HPSE: variants seen among roughly 807,000 people sequenced by gnomAD.
HPSE encodes the protein heparanase, also known as endo-glucoronidase.
In HPSE, 48 loss-of-function variants were observed where a neutral mutation model predicts 65.1. That is an observed-to-expected ratio of 0.74 (90% CI 0.58 to 0.94). HPSE has a LOEUF of 0.94. Among genes scored for constraint, HPSE ranks in the 40% least tolerant of loss-of-function variants. The probability of loss-of-function intolerance (pLI) is 0.00; values close to 1 mark genes in which losing one functional copy is unlikely to be tolerated. For missense variants in HPSE, 644 were observed against 637.5 expected, an observed-to-expected ratio of 1.01 and a Z score of -0.11; for synonymous variants, 243 against 260.0, an observed-to-expected ratio of 0.93 and a Z score of 0.63.
At chr4:83,309,971 C>T (rs1736302782) in intron 6 of HPSE, 60 bp downstream of exon 6, 1 of 1,225,632 alleles carries the variant, frequency 8.2e-7, no homozygotes, top group Non-Finnish European at 1.2e-6. Flanking sequence ...TTTTTGAATA[C>T]TAGGTAATAA....
At chr4:83,333,456 G>T (rs1478743786) in intron 1 of HPSE, among the ~76,000 whole-genome samples, 2 of 152,162 alleles carry the variant, frequency 1.3e-5, no homozygotes, top group Non-Finnish European at 2.9e-5. Flanking sequence ...TATAGTGTGG[G>T]CTCAGGGAGG....
At chr4:83,309,906 G>A in intron 6 of HPSE, 125 bp downstream of exon 6, 1 of 652,940 alleles carries the variant, frequency 1.5e-6, no homozygotes, top group Non-Finnish European at 2.7e-6. Flanking sequence ...TGCTACTTGA[G>A]ACACTATTTG....
intron 1 of HPSE, 149 bp downstream of exon 1, chr4:83,334,407 A>G: frequency 1.2e-6 from 1 of 864,804 alleles, no homozygotes; most frequent in Non-Finnish European, 1.8e-6. Flanking sequence ...GAGAGGGAGA[A>G]TGAGAGGCGG....
chr4:83,325,133 GTGT>G lies in HPSE; in HGVS notation c.228-2772_228-2770del, dbSNP rs1737095475. Among the ~76,000 whole-genome samples the G allele has an allele frequency of 3.4e-4, 6 of 17,870 alleles. No homozygotes were observed. In the South Asian group the frequency reaches 0.013, roughly 38 times the overall value. 11.7% of individuals were successfully genotyped at this position (17,870 alleles called of 152,430 possible). ...TATATTTTAAATTATACAACTTGGTGTGTGTGTGTGTGTGTGTGTGTGTGTGTG... is the reference window on the plus strand; with the variant it reads ...TATATTTTAAATTATACAACTTGGTGGTGTGTGTGTGTGTGTGTGTGTGTG... On this transcript the variant is annotated intron_variant, in intron 1 of 11. Transcript: ENST00000311412.
chr4:83,330,237 A>G (rs1292071316), intron 1 of HPSE, among the ~76,000 whole-genome samples: 2 of 152,230 alleles, frequency 1.3e-5, no homozygotes, highest in Non-Finnish European at 2.9e-5. Flanking sequence ...CATTACTCAA[A>G]AGGGCTACAG....
At chr4:83,322,612 C>T (rs1736955422) in intron 1 of HPSE, among the ~76,000 whole-genome samples, 1 of 151,888 alleles carries the variant, frequency 6.6e-6, no homozygotes. Context: ...GCTTCTGCCT[C>T]CTGGGTAGCT....
chr4:83,306,388 C>A, intron 8 of HPSE, 71 bp from the exon 9 acceptor site: 1 of 745,086 alleles, frequency 1.3e-6, no homozygotes, highest in Non-Finnish European at 2.4e-6. Flanking sequence ...TGCACACCAT[C>A]TTGATTTTAT....
intron 3 of HPSE, among the ~76,000 whole-genome samples, chr4:83,316,690 T>C (rs765086509): frequency 2.6e-5 from 4 of 152,220 alleles, no homozygotes; most frequent in Non-Finnish European, 5.9e-5. Flanking sequence ...AGTCATCCTT[T>C]CTGCAGTCAC....
At chr4:83,297,830 A>G (rs1482999071) in intron 11 of HPSE, among the ~76,000 whole-genome samples, 2 of 152,198 alleles carry the variant, frequency 1.3e-5, no homozygotes, top group African/African-American at 2.4e-5. Context: ...GGAAACCACA[A>G]ACAAAAATAG....
intron 3 of HPSE, among the ~76,000 whole-genome samples, chr4:83,317,846 T>C (rs1446088234): frequency 6.6e-6 from 1 of 152,232 alleles, no homozygotes; most frequent in Admixed American, 6.5e-5. Context: ...TCTGTGGTTC[T>C]CTGGTATGTG....
At chr4:83,312,441 G>C (rs1295214153) in intron 4 of HPSE, among the ~76,000 whole-genome samples, 1 of 152,168 alleles carries the variant, frequency 6.6e-6, no homozygotes, top group African/African-American at 2.4e-5. Context: ...ACTTTGGGAC[G>C]CCGAGGCGGG....
intron 7 of HPSE, 51 bp downstream of exon 7, chr4:83,309,350 CT>C (rs1156728006): frequency 1.1e-6 from 1 of 945,982 alleles, no homozygotes; most frequent in Non-Finnish European, 1.7e-6. Context: ...ACTAGCTAGA[CT>C]ATAAAATAAG....
rs375652871 is a variant in HPSE, at chr4:83,292,626, A to G, written c.*2718T>C. The G allele has an allele frequency of 6.6e-6, 1 of 152,228 alleles. No homozygotes were observed. Among genetic ancestry groups the G allele is most frequent in the African/African-American group, 2.4e-5 (1 of 41,466 alleles). The allele number at this position is 152,228 out of a possible 1,614,324, so 9.4% of individuals were successfully genotyped here. On this transcript the variant is annotated 3_prime_UTR_variant, in exon 12 of 12. Transcript: ENST00000311412. ...ATGGAATTAACCTAAGTGTCCATCA[A>G]CTGATAAGTGGATAAAGAAAATGTG...
At chr4:83,324,931 G>T (rs1269606479) in intron 1 of HPSE, among the ~76,000 whole-genome samples, 1 of 152,008 alleles carries the variant, frequency 6.6e-6, no homozygotes, top group Non-Finnish European at 1.5e-5. Flanking sequence ...TGCGCATTTT[G>T]CCACAATAAA....
intron 4 of HPSE, among the ~76,000 whole-genome samples, chr4:83,311,606 C>A (rs999572829): frequency 1.3e-5 from 2 of 151,906 alleles, no homozygotes; most frequent in Admixed American, 6.6e-5. Flanking sequence ...GAGATCGAGA[C>A]AAGCCTGGGC....
At chr4:83,320,303 G>T (rs962319736) in intron 2 of HPSE, among the ~76,000 whole-genome samples, 1 of 152,128 alleles carries the variant, frequency 6.6e-6, no homozygotes, top group African/African-American at 2.4e-5. Context: ...AGTGGCTCAC[G>T]CTTGTAATTC....
chr4:83,322,335 C>T lies in HPSE; in HGVS notation c.257G>A (p.Gly86Asp), dbSNP rs1184183162. 3.1e-6 allele frequency: 5 copies of T among 1,613,562 alleles called. No homozygotes were observed. Among genetic ancestry groups the T allele is most frequent in the Middle Eastern group, 1.7e-4 (1 of 6,060 alleles). The change falls in exon 2 of 12, where the codon GGC (glycine) becomes GAC (aspartate). Residue 86 changes from glycine (G) to aspartate (D), a missense_variant. Transcript: ENST00000311412. ...AAACCTCAGGTACGCAGGAGACAAG[C>T]CTCTGGCCAAGGTACGAAGCTTTGG... ...GSPKLRTLAR[G>D]LSPAYLRFGG...
At chr4:83,306,127 A>C (rs767389165) in intron 9 of HPSE, 76 bp downstream of exon 9, 36 of 820,932 alleles carry the variant, frequency 4.4e-5, no homozygotes, top group Non-Finnish European at 7.2e-5. Flanking sequence ...CTGACTGTTC[A>C]TAGGAGGTTA....
Position 83,324,113 on chromosome 4 carries a change from CTTTTT to C in HPSE, c.228-1754_228-1750del, listed in dbSNP as rs398051210. Among the ~76,000 whole-genome samples the C allele has an allele frequency of 9.6e-4, 72 of 74,748 alleles. No homozygotes were observed. In the Middle Eastern group the frequency reaches 0.041, roughly 42 times the overall value. 49.0% of individuals were successfully genotyped at this position (74,748 alleles called of 152,430 possible). A position where few individuals can be genotyped will look rare whatever the true frequency, so the allele number is the denominator to read the frequency against. On this transcript the variant is annotated intron_variant, in intron 1 of 11. Coordinates refer to ENST00000311412, the MANE Select transcript of HPSE (RefSeq NM_001098540.3). ...CTGATTGCCAATACTTCTTCTTCTTCTTTTTTTTTTTTTTTTTTTTTTTTTGAGAC... is the reference window on the plus strand; with the variant it reads ...CTGATTGCCAATACTTCTTCTTCTTCTTTTTTTTTTTTTTTTTTTTGAGAC...
Sources: gnomAD v4.1 joint callset for allele counts (sites outside exome capture counted in the v4.1 genomes callset) on GRCh38, gnomAD v4.1.1 for gene constraint, MANE v1.5 for transcripts, NCBI Gene and HGNC (gene_info 2026-07-23, HGNC 2026-07-21) for gene names.